The following EVC variants were observed in gnomAD, a reference collection of about 807,000 sequenced individuals.
EVC encodes EvC ciliary complex subunit 1, also known as evC complex member EVC.
In EVC, 116 loss-of-function variants were observed where a neutral mutation model predicts 118.9. That is an observed-to-expected ratio of 0.98 (90% CI 0.84 to 1.14). The LOEUF (loss-of-function observed/expected upper bound fraction) is 1.14. Ranked by LOEUF, EVC falls within the 50% of genes most tolerant of loss-of-function variation. The pLI, the probability that EVC is intolerant of heterozygous loss-of-function variation, is 0.00. For missense variants in EVC, 1,401 were observed against 1,246.4 expected, an observed-to-expected ratio of 1.12 and a Z score of -1.87; for synonymous variants, 619 against 534.7, an observed-to-expected ratio of 1.16 and a Z score of -2.18.
the EVC span, chr4:5,825,869 A>ACAT: frequency 3.7e-6 from 2 of 540,354 alleles, no homozygotes; most frequent in Non-Finnish European, 6.5e-6. This position sits in a 1 kb window ranked among gnomAD's most constrained non-coding sequence, Gnocchi z 4.4. Flanking sequence ...GCATACACAC[A>ACAT]CATCTACATA....
chr4:5,784,915 A>C (rs1421373554), intron 12 of EVC, among the ~76,000 whole-genome samples: 1 of 152,008 alleles, frequency 6.6e-6, no homozygotes, highest in African/African-American at 2.4e-5. Flanking sequence ...GCCCAGATTG[A>C]TTTTATCTTT....
the EVC span, chr4:5,828,752 A>G: frequency 5.4e-6 from 8 of 1,478,150 alleles, no homozygotes; most frequent in South Asian, 3.9e-5. Flanking sequence ...GCCTAACATT[A>G]TATCATAAGC....
At chr4:5,778,706 A>G (rs1735108954) in intron 11 of EVC, among the ~76,000 whole-genome samples, 1 of 151,948 alleles carries the variant, frequency 6.6e-6, no homozygotes, top group African/African-American at 2.4e-5. Context: ...TTTCTTGTAA[A>G]TGTGTTTGAG....
At chr4:5,729,420 C>T in intron 3 of EVC, 30 bp downstream of exon 3, 1 of 1,588,538 alleles carries the variant, frequency 6.3e-7, no homozygotes, top group Non-Finnish European at 8.6e-7. Context: ...TCATAGAAAG[C>T]CAGTTACTTC....
intron 13 of EVC, among the ~76,000 whole-genome samples, chr4:5,796,164 A>G (rs1257466143): frequency 6.6e-6 from 1 of 151,956 alleles, no homozygotes; most frequent in East Asian, 1.9e-4. Context: ...TTCCTTGTAT[A>G]GTTTCCAGTT....
chr4:5,724,529 G>C (rs1175286114), intron 2 of EVC, among the ~76,000 whole-genome samples: 2 of 152,196 alleles, frequency 1.3e-5, no homozygotes, highest in African/African-American at 2.4e-5. Flanking sequence ...CCTGGGGCCA[G>C]CAAAGCTGAG....
At chr4:5,777,434 C>T (rs566740103) in intron 11 of EVC, among the ~76,000 whole-genome samples, 12 of 152,228 alleles carry the variant, frequency 7.9e-5, no homozygotes, top group South Asian at 6.2e-4. Context: ...CCTCTGACAG[C>T]GTCAGGCTGT....
intron 12 of EVC, among the ~76,000 whole-genome samples, chr4:5,787,965 C>T (rs1172485822): frequency 1.3e-5 from 2 of 152,146 alleles, no homozygotes; most frequent in East Asian, 1.9e-4. Flanking sequence ...TTGAAACACC[C>T]GCTTGACTCT....
chr4:5,807,179 C>G (rs1258838457), intron 17 of EVC, among the ~76,000 whole-genome samples: 1 of 152,130 alleles, frequency 6.6e-6, no homozygotes, highest in Admixed American at 6.5e-5. Context: ...TCTGTTCACA[C>G]CTTTGTCTCA....
chr4:5,795,771 C>G (rs1413246381), intron 13 of EVC, among the ~76,000 whole-genome samples: 1 of 152,196 alleles, frequency 6.6e-6, no homozygotes, highest in Non-Finnish European at 1.5e-5. Flanking sequence ...CGCCTGAAAA[C>G]CTGTGTCTTT....
At chr4:5,760,190 G>A (rs79422439) in intron 11 of EVC, among the ~76,000 whole-genome samples, 2 of 151,988 alleles carry the variant, frequency 1.3e-5, no homozygotes, top group Non-Finnish European at 2.9e-5. Flanking sequence ...TAGTGATTTC[G>A]GGGGCCCAAT....
chr4:5,783,444 T>G (rs1735933303), intron 11 of EVC, 108 bp from the exon 12 acceptor site: 1 of 1,048,048 alleles, frequency 9.5e-7, no homozygotes, highest in African/African-American at 1.6e-5. Flanking sequence ...TGTCTGTGGA[T>G]CTCCTTGTGT....
At chr4:5,717,341 GT>G (rs1364942057) in intron 1 of EVC, among the ~76,000 whole-genome samples, 2 of 151,944 alleles carry the variant, frequency 1.3e-5, no homozygotes, top group Admixed American at 6.6e-5. Context: ...TTTGTTTAAA[GT>G]TTTTTTTCCC....
intron 13 of EVC, among the ~76,000 whole-genome samples, chr4:5,796,586 C>G (rs902383529): frequency 6.6e-6 from 1 of 152,034 alleles, no homozygotes; most frequent in African/African-American, 2.4e-5. Flanking sequence ...AGCTGACTGT[C>G]AGACCTCTGT....
chr4:5,742,977 C>G lies in EVC; in HGVS notation c.801+1163C>G, dbSNP rs1577399921. Among the ~76,000 whole-genome samples the G allele has an allele frequency of 6.6e-6, 1 of 152,226 alleles. No individual in the cohort carries two copies. Among genetic ancestry groups the G allele is most frequent in the African/African-American group, 2.4e-5 (1 of 41,462 alleles). ...TGGATGCTTGGCAACTGTATTTATA[C>G]TCATGTAAACCCACTTTCAATTACA... On this transcript the variant is annotated intron_variant, in intron 6 of 20. Transcript: ENST00000264956. The surrounding 1 kb of genome is among the most constrained non-coding windows in gnomAD (Gnocchi z 5.2).
intron 11 of EVC, among the ~76,000 whole-genome samples, chr4:5,769,248 A>C (rs1029115298): frequency 3.9e-5 from 6 of 152,092 alleles, no homozygotes; most frequent in Admixed American, 2.6e-4. Context: ...TGTGCAGGGG[A>C]ACTCCTCTTT....
At chr4:5,828,762 C>A in the EVC span, 38 of 1,407,096 alleles carry the variant, frequency 2.7e-5, no homozygotes, top group South Asian at 3.4e-4. Context: ...ATATCATAAG[C>A]GTGTTCCAAT....
chr4:5,804,830 G>C lies in EVC; in HGVS notation c.2550G>C (p.Ala850=). The change falls in exon 17 of 21, where the codon GCG becomes GCC. Residue 850 remains alanine, a synonymous_variant. Coordinates refer to ENST00000264956, the MANE Select transcript of EVC (RefSeq NM_153717.3). ...GTGGCGCTCATGAGACCTCCCAGGC[G>C]GTCCACCAGAGGTGAGGTCCCAACT... The part of the protein sequence containing the change: ...TAGGAHETSQ[A]VHQRMLSQQK... The C allele has an allele frequency of 6.2e-7, 1 of 1,613,936 alleles. No homozygotes were observed. The highest frequency in any genetic ancestry group is 8.5e-7 in the Non-Finnish European group (1 of 1,179,964).
chr4:5,720,278 G>C (rs559032308), intron 2 of EVC, among the ~76,000 whole-genome samples: 1 of 152,170 alleles, frequency 6.6e-6, no homozygotes, highest in African/African-American at 2.4e-5. Flanking sequence ...CAACACTCAC[G>C]TGAATGATCT....
Sources: gnomAD v4.1 joint callset for allele counts (sites outside exome capture counted in the v4.1 genomes callset) on GRCh38, gnomAD v4.1.1 for gene constraint, Gnocchi (gnomAD v3.1) non-coding constraint, MANE v1.5 for transcripts, NCBI Gene and HGNC (gene_info 2026-07-23, HGNC 2026-07-21) for gene names.